Variants in RPRD1A observed in about 807,000 individuals in gnomAD.
RPRD1A encodes regulation of nuclear pre-mRNA domain containing 1A, also known as regulation of nuclear pre-mRNA domain-containing protein 1A.
Under a neutral mutation model 37.8 loss-of-function variants are expected in RPRD1A, and 9 were observed. The observed-to-expected ratio is 0.24, with a 90% CI of 0.14 to 0.42. The LOEUF (loss-of-function observed/expected upper bound fraction) is 0.42. RPRD1A is among the 10% of genes least tolerant of loss of function. RPRD1A has a pLI of 1.00. For missense variants in RPRD1A, 255 were observed against 371.0 expected (o/e 0.69, Z 2.57); for synonymous variants, 138 against 139.7 (o/e 0.99, Z 0.08).
At chr18:36,009,240 T>C (rs915396805) in intron 6 of RPRD1A, among the ~76,000 whole-genome samples, 1 of 152,112 alleles carries the variant, frequency 6.6e-6, no homozygotes, top group South Asian at 2.1e-4. Context: ...TCCCAGCAAC[T>C]GGTTTTCCAT....
chr18:36,042,573 CTCAT>C (rs1324344937), intron 1 of RPRD1A, among the ~76,000 whole-genome samples: 1 of 152,204 alleles, frequency 6.6e-6, no homozygotes, highest in Non-Finnish European at 1.5e-5. Context: ...TTCCTTAGCA[CTCAT>C]TCGTACGTTT....
At chr18:36,013,749 TA>T (rs1006155270) in intron 6 of RPRD1A, among the ~76,000 whole-genome samples, 136 of 152,114 alleles carry the variant, frequency 8.9e-4, no homozygotes, top group African/African-American at 3.1e-3. Context: ...TCTTTACAAG[TA>T]AAAAAAAGTT....
Position 36,060,690 on chromosome 18 carries a change from A to G in RPRD1A, c.151+6564T>C, listed in dbSNP as rs147361696. On this transcript the variant is annotated intron_variant, in intron 1 of 6. Coordinates refer to ENST00000399022, the MANE Select transcript of RPRD1A (RefSeq NM_018170.5). ...TTCACAACCAATATGTAACCCCCCA[A>G]CCTATAATACAATATAAAATGGTAA... Among the ~76,000 whole-genome samples, 19 of 152,328 alleles carry G rather than the reference A, an allele frequency of 1.2e-4. No individual in the cohort carries two copies. The East Asian group carries it at 3.5e-3, about 28-fold the overall frequency.
rs1206594356 is a variant in RPRD1A, at chr18:35,991,149, T to C, written c.*2002A>G. ...TCCCAGGAGTACATAGTTTATAAATTAGTTTTAAATGGAAAAAAATATATA... is the reference window on the plus strand; with the variant it reads ...TCCCAGGAGTACATAGTTTATAAATCAGTTTTAAATGGAAAAAAATATATA... On this transcript the variant is annotated 3_prime_UTR_variant, in exon 7 of 7. Coordinates refer to ENST00000399022, the MANE Select transcript of RPRD1A (RefSeq NM_018170.5). 1 of 152,182 alleles carries C rather than the reference T, an allele frequency of 6.6e-6. No homozygotes were observed. The highest frequency in any genetic ancestry group is 2.4e-5 in the African/African-American group (1 of 41,450). The allele number at this position is 152,182 out of a possible 1,614,324, so 9.4% of individuals were successfully genotyped here. A position where few individuals can be genotyped will look rare whatever the true frequency, so the allele number is the denominator to read the frequency against.
rs1911430417 is a variant in RPRD1A, at chr18:36,027,172, T to C, written c.613+12A>G. 6.2e-7 allele frequency: 1 copy of C among 1,613,664 alleles called. No individual in the cohort carries two copies. Among genetic ancestry groups the C allele is most frequent in the African/African-American group, 1.3e-5 (1 of 74,998 alleles). ...TCCCAAAAAAGTTCTGGATCACATT[T>C]TCTTTTCTTACCTGTTATTTTATCT... On this transcript the variant is annotated intron_variant, in intron 5 of 6. Coordinates refer to ENST00000399022, the MANE Select transcript of RPRD1A (RefSeq NM_018170.5).
chr18:36,008,577 G>A (rs5003514), intron 6 of RPRD1A, among the ~76,000 whole-genome samples: 20,444 of 46,990 alleles, frequency 0.44, 4,194 homozygotes, highest in East Asian at 0.56. Context: ...CCTTGTGTGT[G>A]TATATATATA....
At chr18:36,018,818 G>A (rs1371368640) in intron 6 of RPRD1A, among the ~76,000 whole-genome samples, 3 of 152,098 alleles carry the variant, frequency 2.0e-5, no homozygotes, top group South Asian at 2.1e-4. Flanking sequence ...TGGGAAGAGG[G>A]GGCCAGAGGA....
intron 1 of RPRD1A, among the ~76,000 whole-genome samples, chr18:36,059,327 A>G (rs966481209): frequency 6.6e-6 from 1 of 152,046 alleles, no homozygotes; most frequent in Non-Finnish European, 1.5e-5. Context: ...TAGTACTGAC[A>G]TGGTTTTGCC....
chr18:36,038,620 T>A (rs1912366486), intron 1 of RPRD1A, among the ~76,000 whole-genome samples: 1 of 152,172 alleles, frequency 6.6e-6, no homozygotes, highest in African/African-American at 2.4e-5. Context: ...CACTGCCTAG[T>A]GGAGTTCAAG....
intron 1 of RPRD1A, 128 bp downstream of exon 1, chr18:36,067,126 G>T: frequency 1.0e-6 from 1 of 960,902 alleles, no homozygotes; most frequent in Non-Finnish European, 1.5e-6. Context: ...GCTCCTCCAA[G>T]CCCGCAGACC....
intron 6 of RPRD1A, among the ~76,000 whole-genome samples, chr18:35,999,406 T>C (rs1909284199): frequency 6.6e-6 from 1 of 152,212 alleles, no homozygotes; most frequent in South Asian, 2.1e-4. Context: ...GGAAGTGCTA[T>C]ATAATTGTGG....
At position 36,002,706 on chromosome 18, in the gene RPRD1A, A is replaced by G. The variant is rs142913371; in HGVS notation, c.790-9406T>C. Among the ~76,000 whole-genome samples the G allele has an allele frequency of 2.4e-3, 368 of 152,312 alleles. 1 individual carries two copies. The highest frequency in any genetic ancestry group is 8.5e-3 in the African/African-American group (355 of 41,564). On this transcript the variant is annotated intron_variant, in intron 6 of 6. Transcript: ENST00000399022. ...GTCTCATCACTTCAAAATTTGTGCC[A>G]TATGTAAGTCTGGTTCTGACACTTG...
chr18:36,043,207 G>GGGGGA (rs1912718138), intron 1 of RPRD1A, among the ~76,000 whole-genome samples: 6 of 108,468 alleles, frequency 5.5e-5, no homozygotes, highest in East Asian at 3.7e-4. Context: ...GGGGGGGGGG[G>GGGGGA]AAGAAGGGGA....
chr18:36,009,279 C>A (rs1312084939), intron 6 of RPRD1A, among the ~76,000 whole-genome samples: 1 of 152,156 alleles, frequency 6.6e-6, no homozygotes, highest in African/African-American at 2.4e-5. Flanking sequence ...TCCTGGCCCT[C>A]ATCAGCCTGG....
At position 36,067,525 on chromosome 18, in the gene RPRD1A, C is replaced by A. The variant is rs1198572976; in HGVS notation, c.-121G>T. On this transcript the variant is annotated 5_prime_UTR_variant, in exon 1 of 7. Coordinates refer to ENST00000399022, the MANE Select transcript of RPRD1A (RefSeq NM_018170.5). The stretch of plus-strand genomic sequence containing the variant: ...TTCCCCACGCTCTCACCACGGCCGC[C>A]GCTTCATCCAAGACCGGCCGCAAAC... The A allele has an allele frequency of 5.6e-6, 6 of 1,078,928 alleles. No homozygotes were observed. The East Asian group carries it at 1.2e-4, about 21-fold the overall frequency. 66.8% of individuals were successfully genotyped at this position (1,078,928 alleles called of 1,614,324 possible).
chr18:36,038,964 T>C (rs940701167), intron 1 of RPRD1A, among the ~76,000 whole-genome samples: 1 of 152,216 alleles, frequency 6.6e-6, no homozygotes, highest in African/African-American at 2.4e-5. Flanking sequence ...ATTTGTTTTT[T>C]ATTTTACAGG....
At chr18:36,064,481 T>C (rs2088981420) in intron 1 of RPRD1A, 1 of 152,266 alleles carries the variant, frequency 6.6e-6, no homozygotes, top group African/African-American at 2.4e-5. Context: ...CCACTCTGTG[T>C]CTAGCTCAAG....
chr18:36,030,875 T>C lies in RPRD1A; in HGVS notation c.419A>G (p.Tyr140Cys), dbSNP rs1377484096. The change falls in exon 4 of 7, where the codon TAT (tyrosine) becomes TGT (cysteine). Residue 140 changes from tyrosine (Y) to cysteine (C), a missense_variant. Physicochemically the swap from Tyr to Cys is radical, Grantham distance 194. Transcript: ENST00000399022. ...YGDKKPRKRT[Y>C]EQIKVDENEN... ...ATTTTCATCCACCTTTATCTGTTCA[T>C]AAGTTCGCTTCCTAGGCTTCTTATC... 1 of 1,613,394 alleles carries C rather than the reference T, an allele frequency of 6.2e-7. No homozygotes were observed. The highest frequency in any genetic ancestry group is 8.5e-7 in the Non-Finnish European group (1 of 1,179,596).
chr18:35,998,999 A>G (rs907185736), intron 6 of RPRD1A, among the ~76,000 whole-genome samples: 3 of 152,202 alleles, frequency 2.0e-5, no homozygotes, highest in Admixed American at 6.5e-5. Context: ...CAAATTTTAT[A>G]TATTTTTCAA....
Sources: allele counts gnomAD v4.1 joint callset (sites outside exome capture counted in the v4.1 genomes callset), GRCh38; gene constraint gnomAD v4.1.1; transcripts MANE v1.5; gene names NCBI Gene and HGNC (gene_info 2026-07-23, HGNC 2026-07-21).